GGT5: variants seen among roughly 807,000 people sequenced by gnomAD.
GGT5 encodes gamma-glutamyltransferase 5, also known as glutathione hydrolase 5 proenzyme.
A neutral mutation model predicts 58.1 loss-of-function variants in GGT5; 50 were observed. The ratio of observed to expected loss-of-function variants is 0.86; its 90% CI spans 0.69 to 1.09. The LOEUF is 1.09. GGT5 is among the 50% of genes least tolerant of loss of function. The pLI, the probability that GGT5 is intolerant of heterozygous loss-of-function variation, is 0.00. For synonymous variants in GGT5, 370 were observed against 346.1 expected, an observed-to-expected ratio of 1.07 and a Z score of -0.77; for missense variants, 800 against 789.4, an observed-to-expected ratio of 1.01 and a Z score of -0.16.
intron 11 of GGT5, among the ~76,000 whole-genome samples, chr22:24,221,222 ACTTC>A (rs2047580786): frequency 6.6e-6 from 1 of 152,216 alleles, no homozygotes; most frequent in Admixed American, 6.5e-5. Flanking sequence ...CCCAAAGCAG[ACTTC>A]CTTCTTGCCT....
Position 24,219,983 on chromosome 22 carries a change from G to T in GGT5, c.1748C>A (p.Ala583Asp). 6.2e-7 allele frequency: 1 copy of T among 1,614,064 alleles called. No homozygotes were observed. Among genetic ancestry groups the T allele is most frequent in the Non-Finnish European group, 8.5e-7 (1 of 1,179,942 alleles). ...CAGAGCAGTGTCTTAGTAGCCTGCG[G>T]CCTCCCCACTCTTCCTCAGGTCCGA... Reference protein sequence around the residue: ...AVSDLRKSGEAAGY With the variant: ...AVSDLRKSGEDAGY Residue 583 changes from alanine to aspartate, a missense_variant, in exon 12 of 12, where the codon GCC (alanine) becomes GAC (aspartate). Transcript: ENST00000327365.
intron 1 of GGT5, among the ~76,000 whole-genome samples, chr22:24,238,916 T>A (rs1479522494): frequency 2.1e-4 from 3 of 14,192 alleles, no homozygotes; most frequent in South Asian, 1.8e-3. Context: ...TTATATATAT[T>A]ATATATATAA....
At chr22:24,237,075 C>T (rs1490536228) in intron 1 of GGT5, among the ~76,000 whole-genome samples, 7 of 150,490 alleles carry the variant, frequency 4.7e-5, no homozygotes, top group East Asian at 2.0e-4. Flanking sequence ...TGGCAAAAAC[C>T]GCAATTACTT....
At chr22:24,224,926 G>A (rs1327920195) in intron 11 of GGT5, 70 bp downstream of exon 11, 8 of 971,054 alleles carry the variant, frequency 8.2e-6, no homozygotes, top group Middle Eastern at 2.7e-4. Flanking sequence ...TTCCTCCCAG[G>A]TGGCTTTGAG....
At position 24,232,922 on chromosome 22, in the gene GGT5, G is replaced by C. The variant is rs767927772; in HGVS notation, c.497C>G (p.Thr166Ser). 49 of 1,578,736 alleles carry C rather than the reference G, an allele frequency of 3.1e-5. No individual in the cohort carries two copies. The highest frequency in any genetic ancestry group is 4.0e-5 in the Non-Finnish European group (46 of 1,162,226). Reference sequence around the variant, plus strand: ...ATGCCCCCCTCGGAGCAGCGCGATGGTGGGCTGGAACAGCTGCGCCCAGGG... The same window carrying C: ...ATGCCCCCCTCGGAGCAGCGCGATGCTGGGCTGGAACAGCTGCGCCCAGGG... ...RLPWAQLFQPTIALLRGGHVV... is the reference protein window; with the variant it reads ...RLPWAQLFQPSIALLRGGHVV... The change falls in exon 4 of 12, where the codon ACC becomes AGC. Residue 166 changes from threonine to serine, a missense_variant. Thr to Ser is a moderately conservative substitution (Grantham distance 58). Coordinates refer to ENST00000327365, the MANE Select transcript of GGT5 (RefSeq NM_004121.5).
chr22:24,220,131 A>C lies in GGT5; in HGVS notation c.1615-15T>G. On this transcript the variant is annotated splice_polypyrimidine_tract_variant and intron_variant, in intron 11 of 11. Coordinates refer to ENST00000327365, the MANE Select transcript of GGT5 (RefSeq NM_004121.5). Reference sequence around the variant, plus strand: ...CTCTGCACCTCCTGGAGAGGAGAGAAAGCAGGTTCACAGGGGAGGGCAGCT... The same window carrying C: ...CTCTGCACCTCCTGGAGAGGAGAGACAGCAGGTTCACAGGGGAGGGCAGCT... 1 of 1,613,446 alleles carries C rather than the reference A, an allele frequency of 6.2e-7. No homozygotes were observed. The highest frequency in any genetic ancestry group is 8.5e-7 in the Non-Finnish European group (1 of 1,179,608).
chr22:24,231,845 T>C (rs545920702), intron 5 of GGT5, among the ~76,000 whole-genome samples: 4 of 152,250 alleles, frequency 2.6e-5, no homozygotes, highest in Non-Finnish European at 5.9e-5. Context: ...GCCCCTCTGC[T>C]GGCCCTAACC....
At chr22:24,226,337 A>T in intron 7 of GGT5, 71 bp from the exon 8 acceptor site, 1 of 1,272,216 alleles carries the variant, frequency 7.9e-7, no homozygotes, top group Non-Finnish European at 1.1e-6. Flanking sequence ...GGGCAGGATG[A>T]GATCAGCCCC....
chr22:24,223,523 G>A (rs989980672), intron 11 of GGT5, among the ~76,000 whole-genome samples: 8 of 152,130 alleles, frequency 5.3e-5, no homozygotes, highest in South Asian at 2.1e-4. Flanking sequence ...CCTGTCATGC[G>A]AAGGACCCTA....
rs371374351 is a variant in GGT5, at chr22:24,235,253, TC to T, written c.174-1250del. On this transcript the variant is annotated intron_variant, in intron 1 of 11. Transcript: ENST00000327365. Reference sequence around the variant, plus strand: ...TTGTATTTTTAGTAGAGACGAGGTTTCTCCATGTTGGTCAGGCTGGTCTCAA... The same window carrying T: ...TTGTATTTTTAGTAGAGACGAGGTTTTCCATGTTGGTCAGGCTGGTCTCAA... Among the ~76,000 whole-genome samples the T allele has an allele frequency of 1.7e-4, 26 of 152,194 alleles. No individual in the cohort carries two copies. The East Asian group carries it at 5.0e-3, about 29-fold the overall frequency.
intron 1 of GGT5, among the ~76,000 whole-genome samples, chr22:24,238,906 T>G (rs79241261): frequency 6.8e-5 from 1 of 14,790 alleles, no homozygotes; most frequent in African/African-American, 3.6e-4. Flanking sequence ...TATATATATA[T>G]TATATATATT....
At chr22:24,232,787 G>A in intron 4 of GGT5, 36 bp downstream of exon 4, 1 of 1,426,628 alleles carries the variant, frequency 7.0e-7, no homozygotes, top group South Asian at 1.4e-5. Flanking sequence ...ATATGGCCTT[G>A]AACCCAGGAA....
chr22:24,238,841 ATATATT>A (rs2048210490), intron 1 of GGT5, among the ~76,000 whole-genome samples: 1 of 12,736 alleles, frequency 7.9e-5, no homozygotes, highest in Non-Finnish European at 1.2e-4. Flanking sequence ...ATTTATATAT[ATATATT>A]ATATATATTA....
chr22:24,229,560 G>A (rs960804415), intron 6 of GGT5, among the ~76,000 whole-genome samples: 3 of 151,862 alleles, frequency 2.0e-5, no homozygotes, highest in Non-Finnish European at 2.9e-5. Flanking sequence ...GACCAGATGC[G>A]GTGGCTCATG....
intron 11 of GGT5, among the ~76,000 whole-genome samples, chr22:24,221,508 GT>G (rs567114165): frequency 6.6e-4 from 101 of 152,248 alleles, no homozygotes; most frequent in African/African-American, 2.3e-3. Flanking sequence ...ATTTCCAGGG[GT>G]TTTTTGTGTG....
chr22:24,219,891 A>G lies in GGT5; in HGVS notation c.*79T>C. 1 of 1,399,920 alleles carries G rather than the reference A, an allele frequency of 7.1e-7. No individual in the cohort carries two copies. The highest frequency in any genetic ancestry group is 1.0e-6 in the Non-Finnish European group (1 of 1,000,116). 86.7% of individuals were successfully genotyped at this position (1,399,920 alleles called of 1,614,324 possible). On this transcript the variant is annotated 3_prime_UTR_variant, in exon 12 of 12. Coordinates refer to ENST00000327365, the MANE Select transcript of GGT5 (RefSeq NM_004121.5). ...CCAGGGGTCCAGATCCTGCCAGAGT[A>G]GTTGGTCCCCCAGCCATGTCCGGCC...
Position 24,232,852 on chromosome 22 carries a change from C to A in GGT5, c.567G>T (p.Leu189=). The change falls in exon 4 of 12, where the codon CTG becomes CTT. Residue 189 remains leucine (L), a synonymous_variant. Transcript: ENST00000327365. The part of the protein sequence containing the change: ...VLSRFLHNSI[L]RPSLQASTLR... ...GGGTTGACGCCTGCAAGGAAGGCCG[C>A]AGGATGCTGTTGTGCAGGAAACGGC... 1 of 1,560,482 alleles carries A rather than the reference C, an allele frequency of 6.4e-7. No homozygotes were observed. The highest frequency in any genetic ancestry group is 1.2e-5 in the South Asian group (1 of 84,604).
At chr22:24,236,789 G>C (rs1344752046) in intron 1 of GGT5, among the ~76,000 whole-genome samples, 1 of 149,734 alleles carries the variant, frequency 6.7e-6, no homozygotes, top group Non-Finnish European at 1.5e-5. Flanking sequence ...TCTGTTAAAC[G>C]TAAATCAGAC....
At chr22:24,225,970 G>A in intron 8 of GGT5, 106 bp downstream of exon 8, 1 of 791,984 alleles carries the variant, frequency 1.3e-6, no homozygotes, top group Non-Finnish European at 2.0e-6. Context: ...AAGGGCAAAA[G>A]CAAGGTGCTG....
Sources: allele counts gnomAD v4.1 joint callset (sites outside exome capture counted in the v4.1 genomes callset), GRCh38; gene constraint gnomAD v4.1.1; transcripts MANE v1.5; gene names NCBI Gene and HGNC (gene_info 2026-07-23, HGNC 2026-07-21).